The following DCAF7 variants were observed in gnomAD, a reference collection of about 807,000 sequenced individuals.
DCAF7 encodes the protein DDB1 and CUL4 associated factor 7, also known as DDB1- and CUL4-associated factor 7.
DCAF7 carries 4 observed loss-of-function variants against 41.2 expected under a neutral mutation model. The ratio of observed to expected loss-of-function variants is 0.10; its 90% CI spans 0.05 to 0.22. The LOEUF is 0.22. Ranked by LOEUF, DCAF7 falls within the 10% of genes least tolerant of loss-of-function variation. The pLI, the probability that DCAF7 is intolerant of heterozygous loss-of-function variation, is 1.00. For synonymous variants in DCAF7, 143 were observed against 164.2 expected (o/e 0.87, Z 0.99); for missense variants, 131 against 443.2 (o/e 0.30, Z 6.32).
rs1436626738 is a variant in DCAF7, at chr17:63,550,957, T to C, written c.138+142T>C. On this transcript the variant is annotated intron_variant, in intron 1 of 6. Coordinates refer to ENST00000614556, the MANE Select transcript of DCAF7 (RefSeq NM_005828.5). The surrounding 1 kb of genome is among the most constrained non-coding windows in gnomAD (Gnocchi z 4.8). ...GCGGTTCCTCTGTCTGGCCCTGTGC[T>C]GAAGGTTTCGTACTCGTTGTCTGTC... The C allele has an allele frequency of 7.4e-7, 1 of 1,347,704 alleles. No individual in the cohort carries two copies. The highest frequency in any genetic ancestry group is 9.9e-7 in the Non-Finnish European group (1 of 1,015,000). 83.5% of individuals were successfully genotyped at this position (1,347,704 alleles called of 1,614,324 possible).
intron 1 of DCAF7, among the ~76,000 whole-genome samples, chr17:63,564,896 A>G (rs1473079278): frequency 6.6e-6 from 1 of 152,246 alleles, no homozygotes; most frequent in Non-Finnish European, 1.5e-5. Flanking sequence ...TCCTATGGGC[A>G]TAGGCGGAAA....
chr17:63,582,716 G>A (rs192693588), intron 4 of DCAF7, among the ~76,000 whole-genome samples: 4 of 152,088 alleles, frequency 2.6e-5, no homozygotes, highest in African/African-American at 7.2e-5. Flanking sequence ...TGATCCGCCC[G>A]CCTCAGCCTC....
At chr17:63,562,824 T>C (rs994911399) in intron 1 of DCAF7, among the ~76,000 whole-genome samples, 1 of 72,118 alleles carries the variant, frequency 1.4e-5, no homozygotes, top group African/African-American at 1.2e-4. Context: ...AATATTTTCT[T>C]TTTTTTTTTT....
At chr17:63,571,441 A>G (rs968514871) in intron 1 of DCAF7, among the ~76,000 whole-genome samples, 1 of 152,160 alleles carries the variant, frequency 6.6e-6, no homozygotes, top group Non-Finnish European at 1.5e-5. Flanking sequence ...GTAATGCTTG[A>G]AAATACTTAA....
chr17:63,588,073 CT>C (rs1050011930), intron 6 of DCAF7, among the ~76,000 whole-genome samples: 4 of 151,068 alleles, frequency 2.6e-5, no homozygotes, highest in Non-Finnish European at 5.9e-5. Context: ...ACCTTGCCAT[CT>C]TAGTATTGCC....
intron 6 of DCAF7, among the ~76,000 whole-genome samples, chr17:63,587,553 A>G (rs2033690504): frequency 6.6e-6 from 1 of 151,838 alleles, no homozygotes; most frequent in African/African-American, 2.4e-5. Flanking sequence ...GCATTGAGGA[A>G]AAGGGCCTTA....
rs1430322865 is a variant in DCAF7 at position 63,592,811 on chromosome 17, C to A, written c.*3639C>A. 1.3e-5 allele frequency: 2 copies of A among 152,220 alleles called. No individual in the cohort carries two copies. The highest frequency in any genetic ancestry group is 4.8e-5 in the African/African-American group (2 of 41,426). 9.4% of individuals were successfully genotyped at this position (152,220 alleles called of 1,614,324 possible). A position where few individuals can be genotyped will look rare whatever the true frequency, so the allele number is the denominator to read the frequency against. ...TAAAAAACCTACAGGCGTTTGGGGT[C>A]CCATGATTGTTCCAGACCATGACTC... is the stretch of plus-strand genomic sequence containing the variant. On this transcript the variant is annotated 3_prime_UTR_variant, in exon 7 of 7. Transcript: ENST00000614556.
At chr17:63,564,136 T>TACACACACAC (rs369218596) in intron 1 of DCAF7, among the ~76,000 whole-genome samples, 3,480 of 148,016 alleles carry the variant, frequency 0.024, 44 homozygotes, top group Non-Finnish European at 0.031. Context: ...GTTAACTTTA[T>TACACACACAC]ACACACACAC....
intron 1 of DCAF7, among the ~76,000 whole-genome samples, chr17:63,574,349 A>G (rs1041605059): frequency 2.0e-5 from 3 of 152,188 alleles, no homozygotes; most frequent in African/African-American, 4.8e-5. Context: ...ACCTTGTGAC[A>G]TTACTTGCAT....
Position 63,585,248 on chromosome 17 carries a change from T to C in DCAF7, c.776T>C (p.Val259Ala). 6.2e-7 allele frequency: 1 copy of C among 1,614,032 alleles called. No homozygotes were observed. Among genetic ancestry groups the C allele is most frequent in the Non-Finnish European group, 8.5e-7 (1 of 1,179,896 alleles). Residue 259 changes from valine (V) to alanine (A), a missense_variant, in exon 6 of 7, where the codon GTC becomes GCC. Coordinates refer to ENST00000614556, the MANE Select transcript of DCAF7 (RefSeq NM_005828.5). ...GATGTCCGGGTTCCCTGCACACCTG[T>C]CGCCAGGTTAAACAACCATCGAGCA... ...ILDVRVPCTP[V>A]ARLNNHRACV...
chr17:63,580,776 C>T (rs1329617355), intron 4 of DCAF7, among the ~76,000 whole-genome samples: 1 of 152,100 alleles, frequency 6.6e-6, no homozygotes, highest in African/African-American at 2.4e-5. Context: ...CCCACCTTGG[C>T]CTCCCAAAGT....
chr17:63,563,685 G>A (rs1489003960), intron 1 of DCAF7, among the ~76,000 whole-genome samples: 2 of 152,030 alleles, frequency 1.3e-5, no homozygotes, highest in Non-Finnish European at 2.9e-5. Flanking sequence ...CATGGTGGTG[G>A]GCACCTCTAG....
chr17:63,566,095 T>C (rs370422680), intron 1 of DCAF7, among the ~76,000 whole-genome samples: 151,081 of 151,328 alleles, frequency 1, 75,418 homozygotes, highest in Middle Eastern at 1. Flanking sequence ...AGTGAGACTC[T>C]GTCTCAAAAA....
intron 1 of DCAF7, among the ~76,000 whole-genome samples, chr17:63,566,829 G>A (rs1423750763): frequency 1.3e-5 from 2 of 152,116 alleles, no homozygotes; most frequent in East Asian, 1.9e-4. Context: ...CAGGAGGATC[G>A]CCTGAGCCTG....
In DCAF7 at chr17:63,590,286, C is replaced by T. The variant is rs1260341396; in HGVS notation, c.*1114C>T. On this transcript the variant is annotated 3_prime_UTR_variant, in exon 7 of 7. Coordinates refer to ENST00000614556, the MANE Select transcript of DCAF7 (RefSeq NM_005828.5). ...AGAGAGTCTTCCCGAGGCATCCTGT[C>T]TGTGCTTCCAACCCTGAACAAGACC... 1.3e-5 allele frequency: 2 copies of T among 152,736 alleles called. No individual in the cohort carries two copies. Among genetic ancestry groups the T allele is most frequent in the Admixed American group, 6.6e-5 (1 of 15,266 alleles). 9.5% of individuals were successfully genotyped at this position (152,736 alleles called of 1,614,324 possible). A position where few individuals can be genotyped will look rare whatever the true frequency, so the allele number is the denominator to read the frequency against.
At chr17:63,586,623 G>A (rs1453280976) in intron 6 of DCAF7, among the ~76,000 whole-genome samples, 2 of 151,848 alleles carry the variant, frequency 1.3e-5, no homozygotes, top group Admixed American at 6.6e-5. Flanking sequence ...TTAGCTGGGC[G>A]TGGTGGCACA....
In DCAF7 at chr17:63,550,961, G is replaced by A. The variant is rs1018920425; in HGVS notation, c.138+146G>A. The A allele has an allele frequency of 7.6e-7, 1 of 1,316,176 alleles. No homozygotes were observed. The highest frequency in any genetic ancestry group is 1.0e-6 in the Non-Finnish European group (1 of 987,566). 81.5% of individuals were successfully genotyped at this position (1,316,176 alleles called of 1,614,324 possible). Reference sequence around the variant, plus strand: ...TTCCTCTGTCTGGCCCTGTGCTGAAGGTTTCGTACTCGTTGTCTGTCTCCT... The same window carrying A: ...TTCCTCTGTCTGGCCCTGTGCTGAAAGTTTCGTACTCGTTGTCTGTCTCCT... On this transcript the variant is annotated intron_variant, in intron 1 of 6. Coordinates refer to ENST00000614556, the MANE Select transcript of DCAF7 (RefSeq NM_005828.5). This position sits in a 1 kb window ranked among gnomAD's most constrained non-coding sequence, Gnocchi z 4.8.
At chr17:63,554,751 T>C (rs2033293750) in intron 1 of DCAF7, among the ~76,000 whole-genome samples, 1 of 152,210 alleles carries the variant, frequency 6.6e-6, no homozygotes, top group African/African-American at 2.4e-5. Context: ...TATAGAGATG[T>C]TAGCTGTTAT....
At chr17:63,586,125 CAAAAAAAAAA>C (rs545840925) in intron 6 of DCAF7, among the ~76,000 whole-genome samples, 4 of 58,448 alleles carry the variant, frequency 6.8e-5, no homozygotes, top group Non-Finnish European at 1.4e-4. Context: ...ACTCTGTCTC[CAAAAAAAAAA>C]AAAAAAAAAA....
Sources: gnomAD v4.1 joint callset for allele counts (sites outside exome capture counted in the v4.1 genomes callset) on GRCh38, gnomAD v4.1.1 for gene constraint, Gnocchi (gnomAD v3.1) non-coding constraint, MANE v1.5 for transcripts, NCBI Gene and HGNC (gene_info 2026-07-23, HGNC 2026-07-21) for gene names.